Variants in CCSER1 observed in about 807,000 individuals in gnomAD.
CCSER1 encodes the protein coiled-coil serine rich protein 1.
Under a neutral mutation model 82.0 loss-of-function variants are expected in CCSER1, and 41 were observed. The observed-to-expected ratio is 0.50, with a 90% CI of 0.39 to 0.65. CCSER1 has a LOEUF of 0.65. CCSER1 is among the 30% of genes least tolerant of loss of function. The pLI is 0.00. For missense variants in CCSER1, 1,119 were observed against 1,064.2 expected (o/e 1.05, Z -0.72); for synonymous variants, 414 against 383.9 (o/e 1.08, Z -0.92).
At chr4:90,744,960 T>A (rs992171155) in intron 7 of CCSER1, among the ~76,000 whole-genome samples, 7 of 70,554 alleles carry the variant, frequency 9.9e-5, no homozygotes, top group African/African-American at 7.2e-4. Flanking sequence ...TTATATATAT[T>A]ATATATATAT....
intron 5 of CCSER1, among the ~76,000 whole-genome samples, chr4:90,559,767 G>T (rs914967224): frequency 2.3e-5 from 3 of 132,356 alleles, no homozygotes; most frequent in Non-Finnish European, 3.1e-5. Flanking sequence ...CCGAGATCGC[G>T]CCACTGCACT....
At chr4:91,346,147 C>T (rs1234131131) in intron 10 of CCSER1, among the ~76,000 whole-genome samples, 1 of 151,696 alleles carries the variant, frequency 6.6e-6, no homozygotes, top group African/African-American at 2.4e-5. Context: ...CCTCAGCCTC[C>T]TTGGGACTAC....
intron 6 of CCSER1, among the ~76,000 whole-genome samples, chr4:90,650,195 C>T (rs1010408215): frequency 2.3e-4 from 35 of 151,540 alleles, no homozygotes; most frequent in African/African-American, 7.8e-4. Flanking sequence ...CCAGCCTGGG[C>T]GACTGAGCAA....
At chr4:91,209,822 T>C (rs1246361408) in intron 10 of CCSER1, among the ~76,000 whole-genome samples, 1 of 151,708 alleles carries the variant, frequency 6.6e-6, no homozygotes, top group Admixed American at 6.6e-5. Flanking sequence ...GGATGTATGC[T>C]TCCAAGCAAA....
intron 10 of CCSER1, among the ~76,000 whole-genome samples, chr4:91,131,025 G>C (rs1727942002): frequency 6.6e-6 from 1 of 151,698 alleles, no homozygotes; most frequent in Non-Finnish European, 1.5e-5. Flanking sequence ...GTATATGTTT[G>C]CATGTATATT....
intron 5 of CCSER1, among the ~76,000 whole-genome samples, chr4:90,500,653 T>C (rs1047919702): frequency 5.3e-5 from 8 of 152,222 alleles, no homozygotes; most frequent in African/African-American, 1.9e-4. Flanking sequence ...TTAAATCATA[T>C]TTATATCATT....
intron 1 of CCSER1, among the ~76,000 whole-genome samples, chr4:90,193,588 T>G (rs964150811): frequency 1.3e-5 from 2 of 151,940 alleles, no homozygotes; most frequent in African/African-American, 2.4e-5. Context: ...TACCTAGTTT[T>G]TTTTTTTTTA....
intron 1 of CCSER1, among the ~76,000 whole-genome samples, chr4:90,234,249 T>A (rs1393917217): frequency 6.6e-6 from 1 of 151,232 alleles, no homozygotes; most frequent in Non-Finnish European, 1.5e-5. Context: ...GGTGTCTCGC[T>A]CTTGTCACCC....
chr4:90,795,939 T>G (rs1386044760), intron 7 of CCSER1, among the ~76,000 whole-genome samples: 1 of 152,200 alleles, frequency 6.6e-6, no homozygotes, highest in Admixed American at 6.5e-5. Context: ...TCATAAAAAA[T>G]ATTGGCCTGA....
chr4:90,540,065 C>T (rs1156243815), intron 5 of CCSER1, among the ~76,000 whole-genome samples: 1 of 152,026 alleles, frequency 6.6e-6, no homozygotes, highest in African/African-American at 2.4e-5. Context: ...TTAGTTTGTG[C>T]AGTTAGATTT....
At chr4:90,306,692 T>C (rs747898280) in intron 1 of CCSER1, among the ~76,000 whole-genome samples, 1 of 152,192 alleles carries the variant, frequency 6.6e-6, no homozygotes, top group African/African-American at 2.4e-5. Context: ...TTTATCAGGA[T>C]GATAAAATAG....
chr4:91,036,735 G>T (rs1431948231), intron 9 of CCSER1, among the ~76,000 whole-genome samples: 1 of 152,104 alleles, frequency 6.6e-6, no homozygotes, highest in African/African-American at 2.4e-5. Flanking sequence ...TAAAAAATAA[G>T]GAGTTAGATA....
chr4:91,254,510 G>T (rs1044825460), intron 10 of CCSER1, among the ~76,000 whole-genome samples: 1 of 152,118 alleles, frequency 6.6e-6, no homozygotes, highest in African/African-American at 2.4e-5. Flanking sequence ...ATAAAGGCTG[G>T]AAACAGAATG....
At chr4:90,243,940 G>C (rs1720924298) in intron 1 of CCSER1, among the ~76,000 whole-genome samples, 1 of 151,274 alleles carries the variant, frequency 6.6e-6, no homozygotes, top group Non-Finnish European at 1.5e-5. Flanking sequence ...TCAACGTTAT[G>C]ACTTATTTAT....
intron 8 of CCSER1, among the ~76,000 whole-genome samples, chr4:90,825,066 C>A (rs1447205331): frequency 6.6e-6 from 1 of 152,094 alleles, no homozygotes; most frequent in African/African-American, 2.4e-5. Flanking sequence ...CAAAAAGATA[C>A]AATCTTTAAT....
intron 4 of CCSER1, among the ~76,000 whole-genome samples, chr4:90,418,646 A>C (rs1333737762): frequency 6.6e-6 from 1 of 152,012 alleles, no homozygotes; most frequent in Non-Finnish European, 1.5e-5. Flanking sequence ...GTAATTAGCC[A>C]TTTTGATTCT....
At chr4:91,197,471 A>G (rs780038007) in intron 10 of CCSER1, among the ~76,000 whole-genome samples, 9 of 152,174 alleles carry the variant, frequency 5.9e-5, no homozygotes, top group Non-Finnish European at 1.2e-4. Context: ...GGGCACTTAA[A>G]TGTAGCTCGT....
At chr4:91,083,556 A>G (rs1237601800) in intron 9 of CCSER1, among the ~76,000 whole-genome samples, 1 of 152,224 alleles carries the variant, frequency 6.6e-6, no homozygotes, top group Non-Finnish European at 1.5e-5. Flanking sequence ...TTAACGTAAA[A>G]TAAAGTAAAA....
At chr4:91,126,871 C>T (rs781696298) in intron 10 of CCSER1, among the ~76,000 whole-genome samples, 1 of 151,738 alleles carries the variant, frequency 6.6e-6, no homozygotes, top group Non-Finnish European at 1.5e-5. Flanking sequence ...AAAAATAAAC[C>T]TGGGATTGAA....
Sources: gnomAD v4.1 joint callset for allele counts (sites outside exome capture counted in the v4.1 genomes callset) on GRCh38, gnomAD v4.1.1 for gene constraint, MANE v1.5 for transcripts, NCBI Gene and HGNC (gene_info 2026-07-23, HGNC 2026-07-21) for gene names.